The following C1orf105 variants were observed in gnomAD, a reference collection of about 807,000 sequenced individuals.
The protein encoded by C1orf105 is uncharacterized protein C1orf105.
A neutral mutation model predicts 20.8 loss-of-function variants in C1orf105; 17 were observed. The observed-to-expected ratio is 0.82, with a 90% confidence interval of 0.56 to 1.23. The LOEUF (loss-of-function observed/expected upper bound fraction) is 1.23. Among genes scored for constraint, C1orf105 ranks in the 50% most tolerant of loss-of-function variants. C1orf105 has a pLI of 0.00. For synonymous variants in C1orf105, 72 were observed against 72.1 expected, an observed-to-expected ratio of 1.00 and a Z score of 0.01; for missense variants, 219 against 213.5, an observed-to-expected ratio of 1.03 and a Z score of -0.16.
At chr1:172,431,665 C>T (rs774549004) in intron 1 of C1orf105, among the ~76,000 whole-genome samples, 11 of 152,224 alleles carry the variant, frequency 7.2e-5, no homozygotes, top group East Asian at 3.9e-4. Context: ...CAGCTCCCGG[C>T]GTGATCGATG....
chr1:172,421,823 T>C (rs2149152668), intron 1 of C1orf105, among the ~76,000 whole-genome samples: 1 of 151,942 alleles, frequency 6.6e-6, no homozygotes, highest in South Asian at 2.1e-4. Flanking sequence ...CCACATAGTG[T>C]GGAGAGAGAA....
intron 4 of C1orf105, among the ~76,000 whole-genome samples, chr1:172,459,629 G>T (rs9425619): frequency 9.9e-5 from 15 of 152,022 alleles, no homozygotes; most frequent in Admixed American, 3.9e-4. Flanking sequence ...CAGTTGCTTT[G>T]GAAAACAGTT....
At chr1:172,461,577 A>T (rs1649696882) in intron 4 of C1orf105, among the ~76,000 whole-genome samples, 1 of 152,240 alleles carries the variant, frequency 6.6e-6, no homozygotes, top group African/African-American at 2.4e-5. Context: ...AAAATACTGT[A>T]ACTGTACATT....
At chr1:172,441,640 C>T in intron 1 of C1orf105, 1 of 1,170,652 alleles carries the variant, frequency 8.5e-7, no homozygotes, top group South Asian at 1.8e-5. Context: ...TGACATGCTG[C>T]TTCCAGAATG....
At chr1:172,441,876 C>T (rs1301188432) in intron 1 of C1orf105, 1 of 1,614,054 alleles carries the variant, frequency 6.2e-7, no homozygotes, top group African/African-American at 1.3e-5. Flanking sequence ...GTACGGCTCC[C>T]ACAGCACTAA....
In C1orf105 at chr1:172,436,571, T is replaced by C. The variant is rs200491926; in HGVS notation, c.22-8502T>C. Among the ~76,000 whole-genome samples the C allele has an allele frequency of 4.6e-5, 7 of 152,228 alleles. No homozygotes were observed. The East Asian group carries it at 1.2e-3, about 25-fold the overall frequency. Reference sequence around the variant, plus strand: ...AAGCTGAAACTGGATCCCTTCCTTATACCTTACACAAAAATTAATTCAAGA... The same window carrying C: ...AAGCTGAAACTGGATCCCTTCCTTACACCTTACACAAAAATTAATTCAAGA... On this transcript the variant is annotated intron_variant, in intron 1 of 6. Coordinates refer to ENST00000367727, the MANE Select transcript of C1orf105 (RefSeq NM_139240.4).
intron 1 of C1orf105, among the ~76,000 whole-genome samples, chr1:172,427,718 T>C (rs2071758766): frequency 6.6e-6 from 1 of 152,206 alleles, no homozygotes; most frequent in Non-Finnish European, 1.5e-5. Context: ...GGACACAGAA[T>C]TCTCTTGCTT....
chr1:172,466,573 TACACACACACACAC>T (rs3980398), intron 6 of C1orf105, among the ~76,000 whole-genome samples: 7,046 of 147,206 alleles, frequency 0.048, 218 homozygotes, highest in Middle Eastern at 0.086. Flanking sequence ...ATGAATCACA[TACACACACACACAC>T]ACACACACAC....
intron 3 of C1orf105, chr1:172,452,678 G>T (rs1316676923): frequency 1.6e-6 from 1 of 617,532 alleles, no homozygotes. Flanking sequence ...AGGGTATGAG[G>T]ATGTTTCCAA....
Position 172,448,400 on chromosome 1 carries a change from T to C in C1orf105, c.108-41T>C, listed in dbSNP as rs530686155. On this transcript the variant is annotated intron_variant, in intron 2 of 6. Transcript: ENST00000367727. ...AACCAAGGGCCTGGCTCTTCAAACA[T>C]GGGACTGCGGTTCTAACGTTCTCTT... 1.3e-5 allele frequency: 17 copies of C among 1,359,444 alleles called. No homozygotes were observed. In the African/African-American group the frequency reaches 2.0e-4, roughly 16 times the overall value. 84.2% of individuals were successfully genotyped at this position (1,359,444 alleles called of 1,614,324 possible). A position where few individuals can be genotyped will look rare whatever the true frequency, so the allele number is the denominator to read the frequency against.
At chr1:172,444,357 C>G in intron 1 of C1orf105, 2 of 955,622 alleles carry the variant, frequency 2.1e-6, no homozygotes, top group Non-Finnish European at 2.5e-6. Flanking sequence ...TGTTGCGCTC[C>G]TTTATTAAGT....
intron 1 of C1orf105, among the ~76,000 whole-genome samples, chr1:172,429,576 C>T (rs907230513): frequency 1.3e-5 from 2 of 152,204 alleles, no homozygotes; most frequent in Non-Finnish European, 2.9e-5. Context: ...CCTCTGCTGA[C>T]TTGTTTTCTT....
At chr1:172,461,122 T>C (rs1649662441) in intron 4 of C1orf105, among the ~76,000 whole-genome samples, 4 of 152,236 alleles carry the variant, frequency 2.6e-5, no homozygotes, top group Admixed American at 2.6e-4. Flanking sequence ...AGGTTCTTAC[T>C]AAAGCCTTGG....
intron 1 of C1orf105, among the ~76,000 whole-genome samples, chr1:172,429,231 C>T (rs761940355): frequency 2.8e-4 from 2 of 7,236 alleles, no homozygotes; most frequent in African/African-American, 3.6e-4. Context: ...TATACACACA[C>T]ACACACACAC....
At chr1:172,431,362 G>A (rs902278475) in intron 1 of C1orf105, 3 of 319,874 alleles carry the variant, frequency 9.4e-6, no homozygotes, top group African/African-American at 4.2e-5. Flanking sequence ...CTGTATAAAA[G>A]GCTAAACCAG....
Position 172,460,687 on chromosome 1 carries a change from G to T in C1orf105, c.274-1491G>T, listed in dbSNP as rs746702675. ...AAAAAAAAAGAAATACATAAGACCTGTCTTTAAGGAGTCAACAAATAAATA... is the reference window on the plus strand; with the variant it reads ...AAAAAAAAAGAAATACATAAGACCTTTCTTTAAGGAGTCAACAAATAAATA... On this transcript the variant is annotated intron_variant, in intron 4 of 6. Coordinates refer to ENST00000367727, the MANE Select transcript of C1orf105 (RefSeq NM_139240.4). Among the ~76,000 whole-genome samples, 44 of 152,146 alleles carry T rather than the reference G, an allele frequency of 2.9e-4. 1 individual carries two copies. The highest frequency in any genetic ancestry group is 3.1e-4 in the Non-Finnish European group (21 of 68,024).
intron 4 of C1orf105, among the ~76,000 whole-genome samples, chr1:172,457,399 C>T (rs1649361016): frequency 6.6e-6 from 1 of 152,186 alleles, no homozygotes; most frequent in Non-Finnish European, 1.5e-5. Flanking sequence ...ATAAGAAAAG[C>T]TCCTTCACTG....
intron 1 of C1orf105, chr1:172,444,387 T>G (rs895357094): frequency 9.4e-6 from 7 of 741,480 alleles, no homozygotes; most frequent in African/African-American, 1.9e-5. Flanking sequence ...AGCTGGGACT[T>G]CCCGTGCATC....
Position 172,430,733 on chromosome 1 carries a change from G to A in C1orf105, c.21+9827G>A, listed in dbSNP as rs138720689. Among the ~76,000 whole-genome samples, 4 of 152,174 alleles carry A rather than the reference G, an allele frequency of 2.6e-5. No individual in the cohort carries two copies. The East Asian group carries it at 5.8e-4, about 22-fold the overall frequency. ...TGAGATTGCAGGTGTGAGCCATTGC[G>A]CCCAGCCAGATACAGCATTTTTTAC... On this transcript the variant is annotated intron_variant, in intron 1 of 6. Coordinates refer to ENST00000367727, the MANE Select transcript of C1orf105 (RefSeq NM_139240.4).
Sources: gnomAD v4.1 joint callset for allele counts (sites outside exome capture counted in the v4.1 genomes callset) on GRCh38, gnomAD v4.1.1 for gene constraint, MANE v1.5 for transcripts, NCBI Gene and HGNC (gene_info 2026-07-23, HGNC 2026-07-21) for gene names.